The following ZNF831 variants were observed in gnomAD, a reference collection of about 807,000 sequenced individuals.
The protein encoded by ZNF831 is zinc finger protein 831.
Under a neutral mutation model 95.8 loss-of-function variants are expected in ZNF831, and 59 were observed. That is an observed-to-expected ratio of 0.62 (90% CI 0.50 to 0.77). The LOEUF is 0.77. ZNF831 is among the 30% of genes least tolerant of loss of function. The pLI is 0.00. For synonymous variants in ZNF831, 961 were observed against 925.5 expected, an observed-to-expected ratio of 1.04 and a Z score of -0.70; for missense variants, 2,205 against 2,164.0, an observed-to-expected ratio of 1.02 and a Z score of -0.38.
At chr20:59,221,859 G>T (rs1986096625) in intron 4 of ZNF831, among the ~76,000 whole-genome samples, 1 of 152,178 alleles carries the variant, frequency 6.6e-6, no homozygotes, top group Admixed American at 6.5e-5. Flanking sequence ...TGCCGGGAAC[G>T]GACAAAAGCC....
chr20:59,222,384 A>T (rs1018936153), intron 4 of ZNF831, among the ~76,000 whole-genome samples: 1 of 151,942 alleles, frequency 6.6e-6, no homozygotes, highest in Non-Finnish European at 1.5e-5. Flanking sequence ...CCGCCTAGCC[A>T]CGTGGATGCT....
chr20:59,161,051 A>C (rs1244604101), upstream of ZNF831, among the ~76,000 whole-genome samples: 1 of 152,202 alleles, frequency 6.6e-6, no homozygotes, highest in Non-Finnish European at 1.5e-5. Context: ...TGGAGAGTCT[A>C]TCTGTACCAT....
chr20:59,246,713 G>T (rs772759348), intron 4 of ZNF831, among the ~76,000 whole-genome samples: 2 of 152,178 alleles, frequency 1.3e-5, no homozygotes, highest in Non-Finnish European at 2.9e-5. Flanking sequence ...AAATAGAAAA[G>T]AGATGAAAAT....
intron 2 of ZNF831, chr20:59,147,110 A>T (rs1979910072): frequency 6.6e-6 from 1 of 152,310 alleles, no homozygotes; most frequent in South Asian, 2.1e-4. Context: ...GAGAGGAAAA[A>T]GGAAGAACAA....
chr20:59,216,307 G>A lies in ZNF831; in HGVS notation c.4027+9251G>A, dbSNP rs993820923. ...AGCAGAATTGACTGCAGAGGCCATG[G>A]GCAACATTCTGCAAAGACCCTCCTG... On this transcript the variant is annotated intron_variant, in intron 4 of 5. Coordinates refer to ENST00000371030, the MANE Select transcript of ZNF831 (RefSeq NM_178457.3). 4.5e-4 allele frequency among the ~76,000 whole-genome samples: 69 copies of A among 152,242 alleles called. 1 individual carries two copies. Among genetic ancestry groups the A allele is most frequent in the African/African-American group, 1.6e-3 (65 of 41,554 alleles).
intron 1 of ZNF831, among the ~76,000 whole-genome samples, chr20:59,134,300 C>T (rs774155892): frequency 3.3e-5 from 5 of 152,160 alleles, no homozygotes; most frequent in East Asian, 3.9e-4. Context: ...TGTCCTTGTT[C>T]GGTTATTTTC....
rs566778950 is a variant in ZNF831, at chr20:59,193,586, A to G, written c.2567A>G (p.Gln856Arg). 2.5e-6 allele frequency: 4 copies of G among 1,610,798 alleles called. No individual in the cohort carries two copies. The South Asian group carries it at 4.4e-5, about 18-fold the overall frequency. The change falls in exon 2 of 6, where the codon CAG becomes CGG. Residue 856 changes from glutamine (Q) to arginine (R), a missense_variant. By Grantham distance (43) the Gln-to-Arg change is conservative. Coordinates refer to ENST00000371030, the MANE Select transcript of ZNF831 (RefSeq NM_178457.3). ...ACGCAGCCTGCCTCTTTGTCATCCC[A>G]GAAGCAGGATGCCGATCCCGGGGAG... is the stretch of plus-strand genomic sequence containing the variant. ...GPTQPASLSS[Q>R]KQDADPGEVP...
chr20:59,184,411 T>C (rs1025789938), intron 1 of ZNF831, among the ~76,000 whole-genome samples: 34 of 149,372 alleles, frequency 2.3e-4, no homozygotes, highest in African/African-American at 6.7e-4. Flanking sequence ...CCCTCCCCCC[T>C]TTTTTTTTAC....
At chr20:59,176,613 C>T (rs371906979) in intron 1 of ZNF831, among the ~76,000 whole-genome samples, 8 of 152,264 alleles carry the variant, frequency 5.3e-5, no homozygotes, top group Middle Eastern at 6.8e-3. Flanking sequence ...CACTGTAACA[C>T]GCATGTGTAT....
chr20:59,238,384 C>A (rs765390867), intron 4 of ZNF831, among the ~76,000 whole-genome samples: 1 of 152,144 alleles, frequency 6.6e-6, no homozygotes, highest in African/African-American at 2.4e-5. Context: ...CAGTGCATCT[C>A]GATTTCTCTC....
At chr20:59,246,472 A>G (rs756027720) in intron 4 of ZNF831, among the ~76,000 whole-genome samples, 6 of 152,356 alleles carry the variant, frequency 3.9e-5, no homozygotes, top group Middle Eastern at 3.4e-3. Flanking sequence ...TACACAAAGT[A>G]TATCAGCCAG....
At chr20:59,151,976 A>G (rs987726446) in intron 2 of ZNF831, among the ~76,000 whole-genome samples, 1 of 152,180 alleles carries the variant, frequency 6.6e-6, no homozygotes, top group Non-Finnish European at 1.5e-5. Flanking sequence ...TGTCTTTGCC[A>G]GTCTCTGGCT....
chr20:59,198,730 T>C (rs1984305234), intron 3 of ZNF831, among the ~76,000 whole-genome samples: 2 of 152,214 alleles, frequency 1.3e-5, no homozygotes, highest in African/African-American at 2.4e-5. Context: ...CTGTTGAGCT[T>C]TTTATATGCA....
At chr20:59,215,200 T>C (rs1371182573) in intron 4 of ZNF831, among the ~76,000 whole-genome samples, 1 of 152,206 alleles carries the variant, frequency 6.6e-6, no homozygotes, top group African/African-American at 2.4e-5. Flanking sequence ...TGGAGAACAT[T>C]GATGTGGTTG....
Position 59,257,735 on chromosome 20 carries a change from T to C in ZNF831, c.*2992T>C, listed in dbSNP as rs1429594243. 6.6e-6 allele frequency: 1 copy of C among 152,226 alleles called. No homozygotes were observed. 9.4% of individuals were successfully genotyped at this position (152,226 alleles called of 1,614,324 possible). ...CTAATTTTCCCAGTGTTAATTTTAT[T>C]ATATCTTTAGGTAAGGGTCTTAACC... On this transcript the variant is annotated 3_prime_UTR_variant, in exon 6 of 6. Transcript: ENST00000371030.
In ZNF831 at chr20:59,192,135, G is replaced by T; in HGVS notation, c.1116G>T (p.Glu372Asp). 6.4e-7 allele frequency: 1 copy of T among 1,568,734 alleles called. No homozygotes were observed. The highest frequency in any genetic ancestry group is 1.4e-5 in the African/African-American group (1 of 73,410). The change falls in exon 2 of 6, where the codon GAG (glutamate) becomes GAT (aspartate). Residue 372 changes from glutamate to aspartate, a missense_variant. Coordinates refer to ENST00000371030, the MANE Select transcript of ZNF831 (RefSeq NM_178457.3). The surrounding 1 kb of genome is among the most constrained non-coding windows in gnomAD (Gnocchi z 5.2). ...ACAGCCTTTCGGAGCACAGCGCCGA[G>T]TCCGAGGGGGAGGGCGGCCCGGGCC... is the stretch of plus-strand genomic sequence containing the variant. ...PLHSLSEHSA[E>D]SEGEGGPGPG...
In ZNF831 at chr20:59,195,907, C is replaced by T; in HGVS notation, c.3777C>T (p.His1259=). 1 of 1,614,162 alleles carries T rather than the reference C, an allele frequency of 6.2e-7. No individual in the cohort carries two copies. Among genetic ancestry groups the T allele is most frequent in the Non-Finnish European group, 8.5e-7 (1 of 1,180,032 alleles). Residue 1259 remains histidine, a synonymous_variant, in exon 3 of 6, where the codon CAC becomes CAT. Transcript: ENST00000371030. The part of the protein sequence containing the change: ...YPTVPGVMPQ[H]QVSEPEWKKG... ...CAGTCCCAGGGGTGATGCCCCAGCA[C>T]CAGGTGTCTGAGCCAGAATGGAAGA...
chr20:59,138,639 G>A (rs920455103), intron 1 of ZNF831, among the ~76,000 whole-genome samples: 1 of 152,194 alleles, frequency 6.6e-6, no homozygotes, highest in African/African-American at 2.4e-5. Context: ...GTGGGCAGAG[G>A]GACACGTGCC....
rs966835486 is a variant in ZNF831 at position 59,191,904 on chromosome 20, A to C, written c.885A>C (p.Thr295=). 1.2e-6 allele frequency: 2 copies of C among 1,612,634 alleles called. No homozygotes were observed. Among genetic ancestry groups the C allele is most frequent in the Non-Finnish European group, 1.7e-6 (2 of 1,179,914 alleles). ...CACCTGGGCTCCCAGCGGCCAGCAC[A>C]CAACCCTGGCGTAAGTTGCCAGAGC... is the stretch of plus-strand genomic sequence containing the variant. ...MASPGLPAAS[T]QPWRKLPEQK... The change falls in exon 2 of 6, where the codon ACA becomes ACC. Residue 295 remains threonine (T), a synonymous_variant. Coordinates refer to ENST00000371030, the MANE Select transcript of ZNF831 (RefSeq NM_178457.3).
Sources: allele counts gnomAD v4.1 joint callset (sites outside exome capture counted in the v4.1 genomes callset), GRCh38; gene constraint gnomAD v4.1.1; non-coding constraint Gnocchi (gnomAD v3.1); transcripts MANE v1.5; gene names NCBI Gene and HGNC (gene_info 2026-07-23, HGNC 2026-07-21).